Variants in NCEH1 observed in about 807,000 individuals in gnomAD.
NCEH1 encodes 2-acetyl MAGE hydrolase.
NCEH1 carries 9 observed loss-of-function variants against 25.4 expected under a neutral mutation model. The observed-to-expected ratio is 0.35, with a 90% CI of 0.21 to 0.62. NCEH1 has a LOEUF of 0.62. Among genes scored for constraint, NCEH1 ranks in the 20% least tolerant of loss-of-function variants. NCEH1 has a pLI of 0.72. For synonymous variants in NCEH1, 200 were observed against 199.8 expected (o/e 1.00, Z -0.01); for missense variants, 412 against 501.1 (o/e 0.82, Z 1.70).
intron 1 of NCEH1, among the ~76,000 whole-genome samples, chr3:172,668,674 G>C (rs1220462994): frequency 6.6e-6 from 1 of 151,950 alleles, no homozygotes; most frequent in Non-Finnish European, 1.5e-5. Context: ...TGACACCAAT[G>C]CTTTCATTCG....
At chr3:172,695,746 C>T (rs901972421) in intron 1 of NCEH1, among the ~76,000 whole-genome samples, 1 of 152,026 alleles carries the variant, frequency 6.6e-6, no homozygotes, top group Non-Finnish European at 1.5e-5. Context: ...GAGTTTGAGA[C>T]CAGCCTGGCC....
chr3:172,669,355 G>C (rs1266761609), intron 1 of NCEH1, among the ~76,000 whole-genome samples: 3 of 152,086 alleles, frequency 2.0e-5, no homozygotes, highest in African/African-American at 4.8e-5. Context: ...TAGAGTAATT[G>C]TATTTGCCTA....
At chr3:172,666,720 T>A (rs1268571014) in intron 1 of NCEH1, among the ~76,000 whole-genome samples, 1 of 152,182 alleles carries the variant, frequency 6.6e-6, no homozygotes, top group African/African-American at 2.4e-5. Context: ...GATCTGTCCT[T>A]TAATCTCAAG....
At chr3:172,708,698 A>G (rs1402633948) in intron 1 of NCEH1, among the ~76,000 whole-genome samples, 1 of 152,238 alleles carries the variant, frequency 6.6e-6, no homozygotes. Flanking sequence ...GGTTTCAATC[A>G]CATAAATTAC....
intron 1 of NCEH1, among the ~76,000 whole-genome samples, chr3:172,666,545 C>T (rs1156860099): frequency 6.6e-6 from 1 of 152,190 alleles, no homozygotes; most frequent in African/African-American, 2.4e-5. Context: ...CTAATAAACT[C>T]TCCACTCCTT....
At position 172,632,500 on chromosome 3, in the gene NCEH1, TGA is replaced by T. The variant is rs772532717; in HGVS notation, c.*973_*974del. ...TTTAAAGCCATATAAGTGAAAAAAT[TGA>T]GTTTTCAATAATAGACTAGACCTTC... On this transcript the variant is annotated 3_prime_UTR_variant, in exon 5 of 5. Coordinates refer to ENST00000475381, the MANE Select transcript of NCEH1 (RefSeq NM_020792.6). The T allele has an allele frequency of 9.2e-5, 14 of 152,556 alleles. No individual in the cohort carries two copies. Among genetic ancestry groups the T allele is most frequent in the Admixed American group, 2.0e-4 (3 of 15,276 alleles). 9.5% of individuals were successfully genotyped at this position (152,556 alleles called of 1,614,324 possible).
At chr3:172,640,334 G>A (rs1242535457) in intron 3 of NCEH1, among the ~76,000 whole-genome samples, 1 of 152,042 alleles carries the variant, frequency 6.6e-6, no homozygotes, top group Non-Finnish European at 1.5e-5. Flanking sequence ...TTTTTAGTAG[G>A]GGATATCCAA....
chr3:172,676,250 C>CT (rs1711988200), intron 1 of NCEH1, among the ~76,000 whole-genome samples: 1 of 152,144 alleles, frequency 6.6e-6, no homozygotes, highest in African/African-American at 2.4e-5. Flanking sequence ...CGAACCATTT[C>CT]TTTTCTAACA....
chr3:172,699,870 G>C (rs1713586852), intron 1 of NCEH1, among the ~76,000 whole-genome samples: 2 of 151,874 alleles, frequency 1.3e-5, no homozygotes, highest in African/African-American at 4.8e-5. Context: ...TCAAAACAAA[G>C]AAAAAAACAC....
intron 1 of NCEH1, among the ~76,000 whole-genome samples, chr3:172,695,447 T>A (rs1219164394): frequency 3.9e-5 from 6 of 152,188 alleles, no homozygotes; most frequent in Non-Finnish European, 8.8e-5. Flanking sequence ...AGAGACGATT[T>A]CTCTAGCTTT....
chr3:172,635,026 G>A lies in NCEH1; in HGVS notation c.609+890C>T, dbSNP rs147465204. ...CCTGCAATCAGATGACACTGTCCTC[G>A]TTTTTCTGAGGCTCAGAGAGGTTAA... On this transcript the variant is annotated intron_variant, in intron 4 of 4. Transcript: ENST00000475381. Among the ~76,000 whole-genome samples the A allele has an allele frequency of 2.5e-3, 375 of 152,234 alleles. 1 individual carries two copies. Among genetic ancestry groups the A allele is most frequent in the Non-Finnish European group, 3.7e-3 (255 of 68,026 alleles).
chr3:172,655,770 A>G (rs1423969679), intron 1 of NCEH1, among the ~76,000 whole-genome samples: 4 of 152,242 alleles, frequency 2.6e-5, no homozygotes, highest in Non-Finnish European at 2.9e-5. Context: ...TTTAGGCCAC[A>G]TGGTAAATTC....
chr3:172,678,107 G>A lies in NCEH1; in HGVS notation c.139-29993C>T, dbSNP rs184731818. On this transcript the variant is annotated intron_variant, in intron 1 of 4. Coordinates refer to ENST00000475381, the MANE Select transcript of NCEH1 (RefSeq NM_020792.6). ...TTAAGATGAAAAGGTTTAAAAATCA[G>A]GGTAGGGAGGGGAAGTAGGTCATGA... 2.4e-4 allele frequency among the ~76,000 whole-genome samples: 36 copies of A among 152,342 alleles called. No individual in the cohort carries two copies. In the East Asian group the frequency reaches 6.7e-3, roughly 29 times the overall value.
chr3:172,637,648 G>T (rs1228930012), intron 3 of NCEH1, among the ~76,000 whole-genome samples: 1 of 152,164 alleles, frequency 6.6e-6, no homozygotes, highest in African/African-American at 2.4e-5. Context: ...CAGCACTTTG[G>T]GAGGCAGAGG....
At chr3:172,683,481 G>A (rs1405683274) in intron 1 of NCEH1, among the ~76,000 whole-genome samples, 1 of 151,598 alleles carries the variant, frequency 6.6e-6, no homozygotes, top group Non-Finnish European at 1.5e-5. Context: ...ACAAGCCTGG[G>A]CAATATAGTG....
At chr3:172,700,169 T>C (rs143641177) in intron 1 of NCEH1, among the ~76,000 whole-genome samples, 1 of 152,340 alleles carries the variant, frequency 6.6e-6, no homozygotes, top group East Asian at 1.9e-4. Context: ...CAGAGTTGAA[T>C]AATTGGCATC....
intron 1 of NCEH1, among the ~76,000 whole-genome samples, chr3:172,692,785 G>C (rs1713143055): frequency 6.6e-6 from 1 of 152,210 alleles, no homozygotes; most frequent in African/African-American, 2.4e-5. Context: ...AATTAAAGCA[G>C]TGTAATAGAT....
At position 172,633,245 on chromosome 3, in the gene NCEH1, G is replaced by A. The variant is rs1716443840; in HGVS notation, c.*230C>T. The A allele has an allele frequency of 5.7e-6, 3 of 527,918 alleles. No individual in the cohort carries two copies. Among genetic ancestry groups the A allele is most frequent in the Non-Finnish European group, 1.0e-5 (3 of 294,366 alleles). The allele number at this position is 527,918 out of a possible 1,614,324, so 32.7% of individuals were successfully genotyped here. On this transcript the variant is annotated 3_prime_UTR_variant, in exon 5 of 5. Transcript: ENST00000475381. ...ATAGTTGGCTAAGATAACAAGAACA[G>A]AGAGATTGGCCCACTCTGGGAACCA...
intron 1 of NCEH1, among the ~76,000 whole-genome samples, chr3:172,674,397 C>A (rs927269588): frequency 6.8e-6 from 1 of 146,020 alleles, no homozygotes; most frequent in African/African-American, 2.6e-5. Flanking sequence ...GAGTGGAGAT[C>A]GCGCCACTGC....
Sources: allele counts gnomAD v4.1 joint callset (sites outside exome capture counted in the v4.1 genomes callset), GRCh38; gene constraint gnomAD v4.1.1; transcripts MANE v1.5; gene names NCBI Gene and HGNC (gene_info 2026-07-23, HGNC 2026-07-21).